SV2B: variants seen among roughly 807,000 people sequenced by gnomAD.
The protein encoded by SV2B is solute carrier family 22 member B2.
SV2B carries 41 observed loss-of-function variants against 73.9 expected under a neutral mutation model. That is an observed-to-expected ratio of 0.56 (90% CI 0.43 to 0.72). The LOEUF (loss-of-function observed/expected upper bound fraction) is 0.72, where lower values mean the gene tolerates loss of function less well. Among genes scored for constraint, SV2B ranks in the 30% least tolerant of loss-of-function variants. SV2B has a pLI of 0.00. For synonymous variants in SV2B, 314 were observed against 314.2 expected (o/e 1.00, Z 0.01); for missense variants, 764 against 857.8 (o/e 0.89, Z 1.37).
At chr15:91,174,443 A>T (rs1001499234) in intron 1 of SV2B, among the ~76,000 whole-genome samples, 1 of 152,048 alleles carries the variant, frequency 6.6e-6, no homozygotes, top group African/African-American at 2.4e-5. Flanking sequence ...CCTGGTTGGA[A>T]ATTGAATGTT....
chr15:91,270,903 G>C (rs1375508176), intron 9 of SV2B, among the ~76,000 whole-genome samples: 1 of 140,244 alleles, frequency 7.1e-6, no homozygotes, highest in African/African-American at 2.9e-5. Flanking sequence ...TGGGAGGACG[G>C]TGAGTCCTGT....
At chr15:91,147,181 C>G (rs2141205898) in intron 1 of SV2B, among the ~76,000 whole-genome samples, 1 of 152,208 alleles carries the variant, frequency 6.6e-6, no homozygotes, top group South Asian at 2.1e-4. Flanking sequence ...TGTCTGTGTC[C>G]CTAAAGGAAT....
intron 1 of SV2B, among the ~76,000 whole-genome samples, chr15:91,103,247 A>G (rs1344169505): frequency 6.6e-6 from 1 of 152,212 alleles, no homozygotes; most frequent in African/African-American, 2.4e-5. Context: ...CACAGGAATT[A>G]AGGACACTGT....
rs2044799814 is a variant in SV2B at position 91,187,043 on chromosome 15, T to C, written c.-391-38830T>C. 3.3e-5 allele frequency among the ~76,000 whole-genome samples: 5 copies of C among 152,204 alleles called. No individual in the cohort carries two copies. In the South Asian group the frequency reaches 1.0e-3, roughly 32 times the overall value. ...GACGATTGAACATGCTCCATTCTTA[T>C]CATCAATGCAGGAAAAGTCCTGAGT... On this transcript the variant is annotated intron_variant, in intron 1 of 12. Coordinates refer to ENST00000394232, the MANE Select transcript of SV2B (RefSeq NM_001323032.3).
rs528961224 is a variant in SV2B, at chr15:91,165,984, A to G, written c.-391-59889A>G. On this transcript the variant is annotated intron_variant, in intron 1 of 12. Transcript: ENST00000394232. ...GTCTTGAAGGATGTTTTCACTGAAT[A>G]TAGAATTCTGGGTAGACAATCCTTT... Among the ~76,000 whole-genome samples the G allele has an allele frequency of 3.3e-4, 51 of 152,330 alleles. 2 individuals are homozygous for G. The South Asian group carries it at 0.01, about 30-fold the overall frequency.
At chr15:91,146,612 CT>C (rs1481840146) in intron 1 of SV2B, among the ~76,000 whole-genome samples, 8 of 152,178 alleles carry the variant, frequency 5.3e-5, no homozygotes, top group Non-Finnish European at 7.3e-5. Flanking sequence ...TGTGTCATCT[CT>C]GATTTCTCTG....
chr15:91,233,803 C>G (rs920833116), intron 2 of SV2B, among the ~76,000 whole-genome samples: 1 of 152,184 alleles, frequency 6.6e-6, no homozygotes, highest in Non-Finnish European at 1.5e-5. Flanking sequence ...AACCCCTCCA[C>G]CCCTCTTTGC....
intron 1 of SV2B, among the ~76,000 whole-genome samples, chr15:91,113,995 AC>A (rs1486443565): frequency 1.3e-5 from 2 of 152,110 alleles, no homozygotes; most frequent in Non-Finnish European, 2.9e-5. Context: ...CCGGTGTCTA[AC>A]ACAGTCCCTG....
rs184309299 is a variant in SV2B, at chr15:91,108,521, G to A, written c.-392+8158G>A. ...CAGGCACATAGTAGGCACACTATAC[G>A]TATTTATTAGATACATGGTGAATAA... On this transcript the variant is annotated intron_variant, in intron 1 of 12. Coordinates refer to ENST00000394232, the MANE Select transcript of SV2B (RefSeq NM_001323032.3). Among the ~76,000 whole-genome samples the A allele has an allele frequency of 3.4e-4, 52 of 152,326 alleles. 1 individual carries two copies. Among genetic ancestry groups the A allele is most frequent in the African/African-American group, 1.1e-3 (45 of 41,580 alleles).
intron 6 of SV2B, among the ~76,000 whole-genome samples, chr15:91,262,588 T>C (rs79884087): frequency 0.027 from 4,130 of 152,236 alleles, 68 homozygotes; most frequent in Middle Eastern, 0.061. Flanking sequence ...CCAATAGTTA[T>C]CTCTTCTGCC....
In SV2B at chr15:91,234,938, A is replaced by C. The variant is rs1208487366; in HGVS notation, c.451+8224A>C. Among the ~76,000 whole-genome samples, 1 of 152,200 alleles carries C rather than the reference A, an allele frequency of 6.6e-6. No individual in the cohort carries two copies. The highest frequency in any genetic ancestry group is 1.5e-5 in the Non-Finnish European group (1 of 68,030). ...GTCACTGTGGCCCATCAGTCAGAGTAGGAGCTTATGGTGGTTAGGTGATCA... is the reference window on the plus strand; with the variant it reads ...GTCACTGTGGCCCATCAGTCAGAGTCGGAGCTTATGGTGGTTAGGTGATCA... On this transcript the variant is annotated intron_variant, in intron 2 of 12. Transcript: ENST00000394232. This position sits in a 1 kb window ranked among gnomAD's most constrained non-coding sequence, Gnocchi z 5.6.
intron 1 of SV2B, among the ~76,000 whole-genome samples, chr15:91,182,528 T>C (rs554859833): frequency 3.9e-4 from 60 of 152,344 alleles, no homozygotes; most frequent in Non-Finnish European, 7.2e-4. Context: ...TTAGGGCAAG[T>C]TCCTGAGCTT....
chr15:91,212,338 C>A (rs1442635156), intron 1 of SV2B, among the ~76,000 whole-genome samples: 1 of 152,224 alleles, frequency 6.6e-6, no homozygotes, highest in East Asian at 1.9e-4. Context: ...TTAGCCGGCC[C>A]TCTGTTGTTA....
At chr15:91,285,410 G>T (rs572000985) in intron 11 of SV2B, among the ~76,000 whole-genome samples, 1 of 152,316 alleles carries the variant, frequency 6.6e-6, no homozygotes, top group East Asian at 1.9e-4. Flanking sequence ...CCAGCGCAGT[G>T]CCTGCAGTAG....
In SV2B at chr15:91,220,090, G is replaced by A. The variant is rs547892701; in HGVS notation, c.-391-5783G>A. Among the ~76,000 whole-genome samples the A allele has an allele frequency of 5.3e-4, 80 of 152,308 alleles. No individual in the cohort carries two copies. The highest frequency in any genetic ancestry group is 1.9e-3 in the African/African-American group (78 of 41,562). ...TATTAACATTTGTGTCCAAGTCTTT[G>A]TGTGGGCATATATTTTTATTTATCT... On this transcript the variant is annotated intron_variant, in intron 1 of 12. Transcript: ENST00000394232. This position sits in a 1 kb window ranked among gnomAD's most constrained non-coding sequence, Gnocchi z 4.1.
chr15:91,224,935 G>T lies in SV2B; in HGVS notation c.-391-938G>T, dbSNP rs2046325813. ...GAATTGGGATATAGGATGAGATCTT[G>T]GCTCTAGACAACATTGCCTCCTGGT... On this transcript the variant is annotated intron_variant, in intron 1 of 12. Transcript: ENST00000394232. This position sits in a 1 kb window ranked among gnomAD's most constrained non-coding sequence, Gnocchi z 4.9. Among the ~76,000 whole-genome samples the T allele has an allele frequency of 6.6e-6, 1 of 152,072 alleles. No individual in the cohort carries two copies. Among genetic ancestry groups the T allele is most frequent in the Admixed American group, 6.5e-5 (1 of 15,272 alleles).
intron 1 of SV2B, among the ~76,000 whole-genome samples, chr15:91,169,216 T>C (rs1282245356): frequency 6.6e-6 from 1 of 152,204 alleles, no homozygotes; most frequent in Non-Finnish European, 1.5e-5. Context: ...CCGAGGGTTT[T>C]AGATACATTA....
Position 91,214,557 on chromosome 15 carries a change from C to G in SV2B, c.-391-11316C>G, listed in dbSNP as rs144741325. ...GAAGCTTAAGGTTCAGAAACCTGCT[C>G]TGATTCACAGAACTTGCGAATGGCA... On this transcript the variant is annotated intron_variant, in intron 1 of 12. Coordinates refer to ENST00000394232, the MANE Select transcript of SV2B (RefSeq NM_001323032.3). The surrounding 1 kb of genome is among the most constrained non-coding windows in gnomAD (Gnocchi z 4.7). Among the ~76,000 whole-genome samples, 4 of 152,352 alleles carry G rather than the reference C, an allele frequency of 2.6e-5. No individual in the cohort carries two copies. In the East Asian group the frequency reaches 7.7e-4, roughly 29 times the overall value.
rs565176056 is a variant in SV2B, at chr15:91,216,541, C to T, written c.-391-9332C>T. ...AGGCTGGAGTGCAATGGTGTGATCT[C>T]GGCTCGTGGCAACCTCCACCTCCCA... On this transcript the variant is annotated intron_variant, in intron 1 of 12. Transcript: ENST00000394232. 5.3e-5 allele frequency among the ~76,000 whole-genome samples: 8 copies of T among 151,048 alleles called. No homozygotes were observed. In the South Asian group the frequency reaches 6.3e-4, roughly 12 times the overall value.
Sources: gnomAD v4.1 joint callset for allele counts (sites outside exome capture counted in the v4.1 genomes callset) on GRCh38, gnomAD v4.1.1 for gene constraint, Gnocchi (gnomAD v3.1) non-coding constraint, MANE v1.5 for transcripts, NCBI Gene and HGNC (gene_info 2026-07-23, HGNC 2026-07-21) for gene names.